Variants in NEMP2 observed in about 807,000 individuals in gnomAD.
The protein encoded by NEMP2 is nuclear envelope integral membrane protein 2, also known as UPF0571 transmembrane protein.
NEMP2 carries 53 observed loss-of-function variants against 54.2 expected under a neutral mutation model. The observed-to-expected ratio is 0.98, with a 90% CI of 0.78 to 1.23. NEMP2 has a LOEUF of 1.23. Ranked by LOEUF, NEMP2 falls within the 50% of genes most tolerant of loss-of-function variation. The pLI is 0.00. For missense variants in NEMP2, 455 were observed against 511.3 expected, an observed-to-expected ratio of 0.89 and a Z score of 1.06; for synonymous variants, 197 against 190.3, an observed-to-expected ratio of 1.04 and a Z score of -0.29.
chr2:190,586,116 T>C, the NEMP2 span, among the ~76,000 whole-genome samples: 1 of 152,180 alleles, frequency 6.6e-6, no homozygotes, highest in South Asian at 2.1e-4. This position sits in a 1 kb window ranked among gnomAD's most constrained non-coding sequence, Gnocchi z 4.5. Context: ...TCGTTCTGTA[T>C]TCCCCTTTCA....
At chr2:190,622,658 C>G in the NEMP2 span, among the ~76,000 whole-genome samples, 2 of 152,182 alleles carry the variant, frequency 1.3e-5, no homozygotes, top group Non-Finnish European at 2.9e-5. Context: ...AATCGGACAT[C>G]ATCACCATAA....
the NEMP2 span, among the ~76,000 whole-genome samples, chr2:190,566,714 AAAAGAAAGAAAGAAGG>A: frequency 3.9e-5 from 5 of 128,094 alleles, no homozygotes; most frequent in African/African-American, 7.8e-5. Context: ...AGGAGGGAAG[AAAAGAAAGAAAGAAGG>A]AAAGAAAGAA....
the NEMP2 span, among the ~76,000 whole-genome samples, chr2:190,463,426 A>G: frequency 1.3e-5 from 2 of 152,172 alleles, no homozygotes; most frequent in Non-Finnish European, 2.9e-5. This position sits in a 1 kb window ranked among gnomAD's most constrained non-coding sequence, Gnocchi z 4.4. Flanking sequence ...CTCCACTCTA[A>G]TCAGCAGCTG....
rs1490787103 is a variant in NEMP2, at chr2:190,531,232, T to C, written c.97+3327A>G. Among the ~76,000 whole-genome samples, 1 of 152,206 alleles carries C rather than the reference T, an allele frequency of 6.6e-6. No homozygotes were observed. Reference sequence around the variant, plus strand: ...GAGGCTGAGGTATTTAATATGTCCGTACCCTGGAAGGTGCTCCATAACCTA... The same window carrying C: ...GAGGCTGAGGTATTTAATATGTCCGCACCCTGGAAGGTGCTCCATAACCTA... On this transcript the variant is annotated intron_variant, in intron 1 of 8. Transcript: ENST00000409150. This position sits in a 1 kb window ranked among gnomAD's most constrained non-coding sequence, Gnocchi z 4.7.
chr2:190,582,245 T>C, the NEMP2 span, among the ~76,000 whole-genome samples: 1 of 152,196 alleles, frequency 6.6e-6, no homozygotes, highest in African/African-American at 2.4e-5. The surrounding 1 kb of genome is among the most constrained non-coding windows in gnomAD (Gnocchi z 4.6). Context: ...CAGGGTTTAC[T>C]GTGGTGTGAG....
chr2:190,428,798 G>A, the NEMP2 span, among the ~76,000 whole-genome samples: 10 of 151,812 alleles, frequency 6.6e-5, no homozygotes, highest in South Asian at 8.4e-4. Flanking sequence ...TCAGCCCCCC[G>A]AGTAGCTGGG....
chr2:190,563,190 T>C, the NEMP2 span, among the ~76,000 whole-genome samples: 1 of 152,188 alleles, frequency 6.6e-6, no homozygotes, highest in African/African-American at 2.4e-5. The surrounding 1 kb of genome is among the most constrained non-coding windows in gnomAD (Gnocchi z 4.3). Flanking sequence ...GGCTTTGTGC[T>C]GTGTTCTCCT....
chr2:190,431,237 A>AG, the NEMP2 span, among the ~76,000 whole-genome samples: 1 of 149,502 alleles, frequency 6.7e-6, no homozygotes, highest in East Asian at 2.0e-4. The surrounding 1 kb of genome is among the most constrained non-coding windows in gnomAD (Gnocchi z 4.4). Flanking sequence ...AGCCAGGCAG[A>AG]GGGGCTCCTC....
chr2:190,615,721 A>G, the NEMP2 span, among the ~76,000 whole-genome samples: 1,044 of 152,256 alleles, frequency 6.9e-3, 45 homozygotes, highest in East Asian at 0.11. The surrounding 1 kb of genome is among the most constrained non-coding windows in gnomAD (Gnocchi z 4.7). Context: ...TAGCATCCCA[A>G]AGCTTTCCAG....
At chr2:190,551,274 A>T in the NEMP2 span, among the ~76,000 whole-genome samples, 1 of 151,678 alleles carries the variant, frequency 6.6e-6, no homozygotes, top group Non-Finnish European at 1.5e-5. Flanking sequence ...TTTCTTCTTC[A>T]TAGATTCTGG....
In NEMP2 at chr2:190,525,674, A is replaced by C. The variant is rs570387943; in HGVS notation, c.98-296T>G. Among the ~76,000 whole-genome samples, 2 of 152,290 alleles carry C rather than the reference A, an allele frequency of 1.3e-5. No homozygotes were observed. Among genetic ancestry groups the C allele is most frequent in the East Asian group, 3.9e-4 (2 of 5,182 alleles). ...TTATGGGCACCTTCTCAGAAAAGAC[A>C]AAAATATGAGTAAAGGGCTGAAGGG... On this transcript the variant is annotated intron_variant, in intron 1 of 8. Coordinates refer to ENST00000409150, the MANE Select transcript of NEMP2 (RefSeq NM_001142645.2). This position sits in a 1 kb window ranked among gnomAD's most constrained non-coding sequence, Gnocchi z 5.0.
chr2:190,537,553 C>G (rs979418427), upstream of NEMP2, among the ~76,000 whole-genome samples: 3 of 152,170 alleles, frequency 2.0e-5, no homozygotes, highest in African/African-American at 7.2e-5. Context: ...CCCAGCCATG[C>G]AGAACTGTGA....
the NEMP2 span, among the ~76,000 whole-genome samples, chr2:190,600,020 C>G: frequency 6.6e-6 from 1 of 152,148 alleles, no homozygotes; most frequent in Non-Finnish European, 1.5e-5. This position sits in a 1 kb window ranked among gnomAD's most constrained non-coding sequence, Gnocchi z 4.9. Flanking sequence ...CCTAGCTGCC[C>G]CTGTGTGTGT....
chr2:190,538,514 G>A (rs532003437), upstream of NEMP2, among the ~76,000 whole-genome samples: 8 of 152,110 alleles, frequency 5.3e-5, 1 homozygote, highest in South Asian at 6.2e-4. The surrounding 1 kb of genome is among the most constrained non-coding windows in gnomAD (Gnocchi z 4.1). Flanking sequence ...TGGATCATAT[G>A]GTAGGTCTAG....
chr2:190,618,721 T>C, the NEMP2 span, among the ~76,000 whole-genome samples: 16 of 152,154 alleles, frequency 1.1e-4, no homozygotes, highest in Non-Finnish European at 2.1e-4. Context: ...CTAGGACTAC[T>C]GGCACGTTTC....
upstream of NEMP2, chr2:190,535,261 A>T (rs1691333962): frequency 6.6e-6 from 1 of 152,208 alleles, no homozygotes; most frequent in African/African-American, 2.4e-5. Context: ...ACAAATTGGA[A>T]ATTTGGCCGC....
chr2:190,472,602 T>C, the NEMP2 span, among the ~76,000 whole-genome samples: 2 of 152,150 alleles, frequency 1.3e-5, no homozygotes, highest in South Asian at 2.1e-4. Flanking sequence ...AGACCAAATC[T>C]ACATCTGATT....
the NEMP2 span, among the ~76,000 whole-genome samples, chr2:190,647,826 C>T: frequency 6.6e-6 from 1 of 151,124 alleles, no homozygotes; most frequent in African/African-American, 2.4e-5. Context: ...GCTATTCTCC[C>T]GCCTCAGCCT....
In NEMP2 at chr2:190,514,791, T is replaced by G; in HGVS notation, c.728-113A>C. ...AACTATTAGAGAACCTTAATTTTTG[T>G]GTTTTTTACCCCATAAAGTAAGGTT... is the stretch of plus-strand genomic sequence containing the variant. On this transcript the variant is annotated intron_variant, in intron 6 of 8. Coordinates refer to ENST00000409150, the MANE Select transcript of NEMP2 (RefSeq NM_001142645.2). The surrounding 1 kb of genome is among the most constrained non-coding windows in gnomAD (Gnocchi z 5.7). The G allele has an allele frequency of 9.8e-7, 1 of 1,015,486 alleles. No individual in the cohort carries two copies. The highest frequency in any genetic ancestry group is 1.4e-6 in the Non-Finnish European group (1 of 693,766). 62.9% of individuals were successfully genotyped at this position (1,015,486 alleles called of 1,614,324 possible).
Sources: allele counts gnomAD v4.1 joint callset (sites outside exome capture counted in the v4.1 genomes callset), GRCh38; gene constraint gnomAD v4.1.1; non-coding constraint Gnocchi (gnomAD v3.1); transcripts MANE v1.5; gene names NCBI Gene and HGNC (gene_info 2026-07-23, HGNC 2026-07-21).